RORA: variants seen among roughly 807,000 people sequenced by gnomAD.
The protein encoded by RORA is RAR related orphan receptor A.
Under a neutral mutation model 69.5 loss-of-function variants are expected in RORA, and 7 were observed. That is an observed-to-expected ratio of 0.10 (90% CI 0.06 to 0.19). RORA has a LOEUF of 0.19. Ranked by LOEUF, RORA falls within the 10% of genes least tolerant of loss-of-function variation. RORA has a pLI of 1.00. For missense variants in RORA, 457 were observed against 663.0 expected, an observed-to-expected ratio of 0.69 and a Z score of 3.41; for synonymous variants, 261 against 240.8, an observed-to-expected ratio of 1.08 and a Z score of -0.78.
chr15:61,076,938 A>AG (rs1179752193), intron 1 of RORA, among the ~76,000 whole-genome samples: 1 of 146,862 alleles, frequency 6.8e-6, no homozygotes, highest in Non-Finnish European at 1.5e-5. Flanking sequence ...GTTCAAAGTA[A>AG]AAAAAAAAAA....
intron 1 of RORA, among the ~76,000 whole-genome samples, chr15:61,027,354 T>C (rs1359648384): frequency 6.6e-6 from 1 of 152,208 alleles, no homozygotes; most frequent in African/African-American, 2.4e-5. Context: ...GAGCCATTCA[T>C]TTGCCCATTA....
At chr15:60,791,343 T>C (rs1223314063) in intron 1 of RORA, among the ~76,000 whole-genome samples, 1 of 151,710 alleles carries the variant, frequency 6.6e-6, no homozygotes, top group Admixed American at 6.6e-5. Flanking sequence ...TACTAACCCC[T>C]TACAGATAAC....
At chr15:60,748,428 G>C (rs1216993198) in intron 1 of RORA, among the ~76,000 whole-genome samples, 1 of 151,934 alleles carries the variant, frequency 6.6e-6, no homozygotes, top group African/African-American at 2.4e-5. Flanking sequence ...TTCAAATAAA[G>C]TAAGAGGTTC....
At chr15:61,198,889 G>A (rs557971391) in intron 1 of RORA, among the ~76,000 whole-genome samples, 1 of 152,144 alleles carries the variant, frequency 6.6e-6, no homozygotes, top group East Asian at 1.9e-4. Context: ...TCACTCACCC[G>A]CCAGCAGCCC....
chr15:61,073,869 A>G (rs1224981648), intron 1 of RORA, among the ~76,000 whole-genome samples: 2 of 152,200 alleles, frequency 1.3e-5, no homozygotes, highest in South Asian at 2.1e-4. Flanking sequence ...CGCTGAATCA[A>G]TTGCTAAATT....
chr15:61,021,342 C>T (rs1832236687), intron 1 of RORA, among the ~76,000 whole-genome samples: 1 of 152,216 alleles, frequency 6.6e-6, no homozygotes, highest in South Asian at 2.1e-4. Context: ...AATACACCGT[C>T]AGTATCACTG....
At chr15:61,161,620 T>C (rs16943714) in intron 1 of RORA, among the ~76,000 whole-genome samples, 7,767 of 152,128 alleles carry the variant, frequency 0.051, 694 homozygotes, top group African/African-American at 0.18. Flanking sequence ...TCTCCACTAC[T>C]GGGCTTGGGT....
intron 1 of RORA, among the ~76,000 whole-genome samples, chr15:60,883,599 T>G (rs184677796): frequency 6.6e-6 from 1 of 152,196 alleles, no homozygotes; most frequent in Non-Finnish European, 1.5e-5. Context: ...TAATAATTAT[T>G]GTTGAATGAT....
chr15:61,193,447 C>T (rs763530799), intron 1 of RORA, among the ~76,000 whole-genome samples: 8 of 152,002 alleles, frequency 5.3e-5, no homozygotes, highest in Non-Finnish European at 8.8e-5. Context: ...GACTTTTTCC[C>T]TTAGGTCTCT....
At chr15:60,991,901 G>A (rs1257575833) in intron 1 of RORA, among the ~76,000 whole-genome samples, 1 of 98,596 alleles carries the variant, frequency 1.0e-5, no homozygotes, top group African/African-American at 4.8e-5. Flanking sequence ...GCGAGACCGT[G>A]CCTCAAAAAT....
At chr15:60,732,538 T>C (rs924009128) in intron 1 of RORA, among the ~76,000 whole-genome samples, 4 of 152,168 alleles carry the variant, frequency 2.6e-5, no homozygotes, top group Non-Finnish European at 5.9e-5. Context: ...AGCAAATTAA[T>C]CTAGAAAGCC....
chr15:61,029,146 TA>T lies in RORA; in HGVS notation c.166+199906del, dbSNP rs537010955. Among the ~76,000 whole-genome samples, 58 of 145,838 alleles carry T rather than the reference TA, an allele frequency of 4.0e-4. No individual in the cohort carries two copies. The South Asian group carries it at 4.8e-3, about 12-fold the overall frequency. ...TGGGTGAATTGTGAGGTCTGTGAAT[TA>T]AAAAAAAAAACATCTAAACACCAAC... is the stretch of plus-strand genomic sequence containing the variant. On this transcript the variant is annotated intron_variant, in intron 1 of 10. Transcript: ENST00000335670.
rs747727632 is a variant in RORA at position 60,511,982 on chromosome 15, A to T, written c.425-361T>A. The T allele has an allele frequency of 4.2e-4, 90 of 215,346 alleles. No homozygotes were observed. Among genetic ancestry groups the T allele is most frequent in the Non-Finnish European group, 7.6e-4 (81 of 107,174 alleles). 13.3% of individuals were successfully genotyped at this position (215,346 alleles called of 1,614,324 possible). ...TCCCCCCGTGCAGCTGGCTTAGGCT[A>T]CCTCTTTCTCTCCCACGTTCAGACC... On this transcript the variant is annotated intron_variant, in intron 4 of 10. Coordinates refer to ENST00000335670, the MANE Select transcript of RORA (RefSeq NM_134261.3). The surrounding 1 kb of genome is among the most constrained non-coding windows in gnomAD (Gnocchi z 6.4).
At chr15:60,847,274 A>G (rs142128637) in intron 1 of RORA, among the ~76,000 whole-genome samples, 104 of 152,252 alleles carry the variant, frequency 6.8e-4, no homozygotes, top group African/African-American at 2.4e-3. Flanking sequence ...GAACTTAGAT[A>G]TCTATGAAAT....
chr15:60,894,795 A>C (rs1891185514), intron 1 of RORA, among the ~76,000 whole-genome samples: 1 of 152,194 alleles, frequency 6.6e-6, no homozygotes, highest in East Asian at 1.9e-4. Flanking sequence ...AGACACTTTC[A>C]GGCCTCCCCT....
In RORA at chr15:60,625,982, G is replaced by A. The variant is rs1159945914; in HGVS notation, c.196+52675C>T. ...GCTTTGTAACATTTTCTAGGGATGG[G>A]GGTCGACAAGTTGTGTCTTCAGAGC... On this transcript the variant is annotated intron_variant, in intron 2 of 10. Coordinates refer to ENST00000335670, the MANE Select transcript of RORA (RefSeq NM_134261.3). Among the ~76,000 whole-genome samples the A allele has an allele frequency of 2.6e-5, 4 of 152,200 alleles. No homozygotes were observed. The South Asian group carries it at 6.2e-4, about 24-fold the overall frequency.
chr15:60,875,546 T>C (rs1595783734), intron 1 of RORA, among the ~76,000 whole-genome samples: 1 of 152,296 alleles, frequency 6.6e-6, no homozygotes, highest in East Asian at 1.9e-4. Flanking sequence ...GTTGGGTATG[T>C]CTACAAATGG....
chr15:60,602,899 C>T (rs945091973), intron 2 of RORA, among the ~76,000 whole-genome samples: 1 of 152,158 alleles, frequency 6.6e-6, no homozygotes, highest in Admixed American at 6.5e-5. Flanking sequence ...CAGTTCTATT[C>T]CCCTCTCCCC....
At chr15:60,576,249 G>T (rs544979893) in intron 2 of RORA, among the ~76,000 whole-genome samples, 5 of 152,076 alleles carry the variant, frequency 3.3e-5, no homozygotes, top group Non-Finnish European at 5.9e-5. Flanking sequence ...TGGGAGCAAC[G>T]TATCCCAGTG....
Sources: gnomAD v4.1 joint callset for allele counts (sites outside exome capture counted in the v4.1 genomes callset) on GRCh38, gnomAD v4.1.1 for gene constraint, Gnocchi (gnomAD v3.1) non-coding constraint, MANE v1.5 for transcripts, NCBI Gene and HGNC (gene_info 2026-07-23, HGNC 2026-07-21) for gene names.